Variants in COL14A1 observed in about 807,000 individuals in gnomAD.
The protein encoded by COL14A1 is collagen type XIV alpha 1 chain.
Under a neutral mutation model 230.3 loss-of-function variants are expected in COL14A1, and 136 were observed. The ratio of observed to expected loss-of-function variants is 0.59; its 90% CI spans 0.51 to 0.68. The LOEUF (loss-of-function observed/expected upper bound fraction) is 0.68, where lower values mean the gene tolerates loss of function less well. COL14A1 is among the 30% of genes least tolerant of loss of function. The pLI, the probability that COL14A1 is intolerant of heterozygous loss-of-function variation, is 0.00. For synonymous variants in COL14A1, 792 were observed against 784.1 expected, an observed-to-expected ratio of 1.01 and a Z score of -0.17; for missense variants, 1,976 against 2,215.8, an observed-to-expected ratio of 0.89 and a Z score of 2.17.
chr8:120,151,418 A>T (rs1175124550), intron 2 of COL14A1, among the ~76,000 whole-genome samples: 1 of 152,040 alleles, frequency 6.6e-6, no homozygotes, highest in African/African-American at 2.4e-5. Flanking sequence ...AGGCAGGCGG[A>T]TCATGAGGTC....
chr8:120,300,656 C>A, intron 35 of COL14A1, 76 bp from the exon 36 acceptor site: 6 of 1,051,012 alleles, frequency 5.7e-6, no homozygotes, highest in South Asian at 1.4e-5. Flanking sequence ...TTAAATCAAA[C>A]TGTTTTCTTT....
intron 5 of COL14A1, among the ~76,000 whole-genome samples, chr8:120,185,339 TGG>T (rs1419211102): frequency 1.3e-5 from 2 of 152,106 alleles, no homozygotes; most frequent in Non-Finnish European, 2.9e-5. Flanking sequence ...AAATACATAT[TGG>T]ACAAAACATT....
At chr8:120,306,008 A>G (rs1820848691) in intron 36 of COL14A1, among the ~76,000 whole-genome samples, 1 of 152,136 alleles carries the variant, frequency 6.6e-6, no homozygotes, top group South Asian at 2.1e-4. Flanking sequence ...TGTTTTTAAC[A>G]TCACAAATTA....
Position 120,267,030 on chromosome 8 carries a change from G to A in COL14A1, c.3073+147G>A, listed in dbSNP as rs538245456. 142 of 664,054 alleles carry A rather than the reference G, an allele frequency of 2.1e-4. No individual in the cohort carries two copies. The African/African-American group carries it at 2.4e-3, about 11-fold the overall frequency. The allele number at this position is 664,054 out of a possible 1,614,324, so 41.1% of individuals were successfully genotyped here. A position where few individuals can be genotyped will look rare whatever the true frequency, so the allele number is the denominator to read the frequency against. The stretch of plus-strand genomic sequence containing the variant: ...CTTAATACAAATGCTTATCAACCAT[G>A]ATGGGCTTGAATGATATCCATTTAA... On this transcript the variant is annotated intron_variant, in intron 25 of 47. Transcript: ENST00000297848.
rs1205048625 is a variant in COL14A1 at position 120,332,204 on chromosome 8, TC to T, written c.4713+12del. The T allele has an allele frequency of 2.5e-6, 4 of 1,612,740 alleles. No homozygotes were observed. In the African/African-American group the frequency reaches 5.3e-5, roughly 22 times the overall value. ...ACCACCAGGGCCAATAGTAAGCCTTTCCAGAAACTACTGGGACATACTCTGT... is the reference window on the plus strand; with the variant it reads ...ACCACCAGGGCCAATAGTAAGCCTTTCAGAAACTACTGGGACATACTCTGT... On this transcript the variant is annotated intron_variant, in intron 41 of 47. Coordinates refer to ENST00000297848, the MANE Select transcript of COL14A1 (RefSeq NM_021110.4).
intron 5 of COL14A1, among the ~76,000 whole-genome samples, chr8:120,170,930 T>C (rs1816076023): frequency 7.6e-6 from 1 of 131,054 alleles, no homozygotes; most frequent in Admixed American, 8.7e-5. Flanking sequence ...TTTATTTGCA[T>C]TAAAAAAATT....
chr8:120,152,324 G>A (rs929884234), intron 2 of COL14A1, among the ~76,000 whole-genome samples: 1 of 151,758 alleles, frequency 6.6e-6, no homozygotes, highest in Non-Finnish European at 1.5e-5. Context: ...TTAGCCGGGC[G>A]TGGTGGCGGG....
At chr8:120,257,786 T>C (rs1460854406) in intron 23 of COL14A1, among the ~76,000 whole-genome samples, 1 of 152,202 alleles carries the variant, frequency 6.6e-6, no homozygotes, top group Non-Finnish European at 1.5e-5. Flanking sequence ...GGAATGAAGC[T>C]TTATCCCAGT....
At chr8:120,152,997 C>T (rs1425048628) in intron 2 of COL14A1, among the ~76,000 whole-genome samples, 1 of 151,994 alleles carries the variant, frequency 6.6e-6, no homozygotes, top group African/African-American at 2.4e-5. Flanking sequence ...GAATATTTTC[C>T]TTACAGCTGT....
At chr8:120,363,234 C>T (rs901515697) in intron 45 of COL14A1, among the ~76,000 whole-genome samples, 2 of 152,120 alleles carry the variant, frequency 1.3e-5, no homozygotes, top group Non-Finnish European at 2.9e-5. Context: ...CACCATGGAA[C>T]ACTATGCAAC....
At chr8:120,260,853 C>T (rs932876599) in intron 23 of COL14A1, among the ~76,000 whole-genome samples, 1 of 152,152 alleles carries the variant, frequency 6.6e-6, no homozygotes, top group Non-Finnish European at 1.5e-5. Flanking sequence ...CAACAGCTCT[C>T]AGATGGTTTC....
At chr8:120,208,496 G>A (rs1412357888) in intron 11 of COL14A1, 135 bp downstream of exon 11, 24 of 997,034 alleles carry the variant, frequency 2.4e-5, no homozygotes, top group Non-Finnish European at 3.5e-5. Flanking sequence ...GAAGACATTT[G>A]TCGTGCTATA....
chr8:120,155,728 C>T (rs1179810806), intron 2 of COL14A1, among the ~76,000 whole-genome samples: 2 of 152,108 alleles, frequency 1.3e-5, no homozygotes, highest in African/African-American at 4.8e-5. Context: ...CAGAAACTTG[C>T]ATATATTTTT....
rs529401542 is a variant in COL14A1, at chr8:120,323,304, T to A, written c.4659+7307T>A. Among the ~76,000 whole-genome samples the A allele has an allele frequency of 2.0e-5, 3 of 152,240 alleles. No individual in the cohort carries two copies. The South Asian group carries it at 6.2e-4, about 32-fold the overall frequency. On this transcript the variant is annotated intron_variant, in intron 40 of 47. Coordinates refer to ENST00000297848, the MANE Select transcript of COL14A1 (RefSeq NM_021110.4). ...CAAGTTTGTTTAAGTCCCTTTGAGA[T>A]GCTGGATATTAGGCCTTTGTCAGAT...
At chr8:120,211,533 A>G (rs773565210) in intron 12 of COL14A1, among the ~76,000 whole-genome samples, 11 of 152,206 alleles carry the variant, frequency 7.2e-5, no homozygotes, top group Non-Finnish European at 1.2e-4. Context: ...GAGGTAGTGG[A>G]CAGAAAGAAT....
intron 23 of COL14A1, 111 bp downstream of exon 23, chr8:120,255,467 G>A (rs1819114772): frequency 1.2e-6 from 1 of 833,214 alleles, no homozygotes; most frequent in Non-Finnish European, 2.0e-6. Flanking sequence ...TCTTGTCAAG[G>A]AAGCAATTTG....
intron 23 of COL14A1, among the ~76,000 whole-genome samples, chr8:120,257,926 G>A (rs946176093): frequency 2.0e-5 from 3 of 152,130 alleles, no homozygotes; most frequent in African/African-American, 7.2e-5. Context: ...CAGTAATGAA[G>A]TCTCTACTGT....
chr8:120,308,866 C>T (rs1021493439), intron 36 of COL14A1, among the ~76,000 whole-genome samples: 2 of 152,160 alleles, frequency 1.3e-5, no homozygotes, highest in African/African-American at 4.8e-5. Flanking sequence ...CCACATGGTC[C>T]TCCTAACACT....
At position 120,212,512 on chromosome 8, in the gene COL14A1, C is replaced by T. The variant is rs376248140; in HGVS notation, c.1532C>T (p.Thr511Ile). 1 of 1,613,626 alleles carries T rather than the reference C, an allele frequency of 6.2e-7. No individual in the cohort carries two copies. Among genetic ancestry groups the T allele is most frequent in the Admixed American group, 1.7e-5 (1 of 59,984 alleles). ...LSGLLPNTEY[T>I]VTVYAMFGEE... The stretch of plus-strand genomic sequence containing the variant: ...GGGTTGTTGCCCAATACAGAATACA[C>T]AGTCACAGTTTATGCCATGTTTGGA... Residue 511 changes from threonine to isoleucine, a missense_variant, in exon 13 of 48, where the codon ACA (threonine) becomes ATA (isoleucine). Around this residue, in one of 3 missense-constraint regions of COL14A1, gnomAD observed 1,791 missense variants for 2,019.5 expected, o/e 0.89. Transcript: ENST00000297848.
Sources: allele counts gnomAD v4.1 joint callset (sites outside exome capture counted in the v4.1 genomes callset), GRCh38; gene constraint gnomAD v4.1.1; regional missense constraint gnomAD v4.1.1; transcripts MANE v1.5; gene names NCBI Gene and HGNC (gene_info 2026-07-23, HGNC 2026-07-21).